TRIOBP: variants seen among roughly 807,000 people sequenced by gnomAD.
TRIOBP encodes TRIO and F-actin binding protein.
Under a neutral mutation model 238.8 loss-of-function variants are expected in TRIOBP, and 169 were observed. The ratio of observed to expected loss-of-function variants is 0.71; its 90% CI spans 0.62 to 0.80. TRIOBP has a LOEUF of 0.80. Among genes scored for constraint, TRIOBP ranks in the 30% least tolerant of loss-of-function variants. The pLI, the probability that TRIOBP is intolerant of heterozygous loss-of-function variation, is 0.00. For synonymous variants in TRIOBP, 1,150 were observed against 1,274.4 expected (o/e 0.90, Z 2.08); for missense variants, 2,838 against 3,122.6 (o/e 0.91, Z 2.17).
chr22:37,734,135 T>C lies in TRIOBP; in HGVS notation c.4063-264T>C, dbSNP rs115446793. ...AGGTTCTGGCACCTGATAGCCCAAG[T>C]TGGAATCAGTATCTTTGAGAGGGGT... On this transcript the variant is annotated intron_variant, in intron 8 of 23. Coordinates refer to ENST00000644935, the MANE Select transcript of TRIOBP (RefSeq NM_001039141.3). 8.1e-3 allele frequency among the ~76,000 whole-genome samples: 1,231 copies of C among 152,302 alleles called. 17 individuals are homozygous for C. The highest frequency in any genetic ancestry group is 0.028 in the African/African-American group (1,163 of 41,568).
At position 37,725,006 on chromosome 22, in the gene TRIOBP, C is replaced by T; in HGVS notation, c.2450C>T (p.Thr817Ile). ...IRATQQDNPR[T>I]CIQQNIPRSS... The stretch of plus-strand genomic sequence containing the variant: ...GCCACCCAACAGGACAACCCCAGAA[C>T]TTGTATTCAACAGAACATCCCCAGA... Residue 817 changes from threonine (T) to isoleucine (I), a missense_variant, in exon 7 of 24, where the codon ACT becomes ATT. This residue lies in a region of TRIOBP where 2,096 missense variants were observed against 2,137.4 expected (regional missense o/e 0.98). Coordinates refer to ENST00000644935, the MANE Select transcript of TRIOBP (RefSeq NM_001039141.3). 3.1e-6 allele frequency: 5 copies of T among 1,614,108 alleles called. No individual in the cohort carries two copies. The highest frequency in any genetic ancestry group is 3.4e-6 in the Non-Finnish European group (4 of 1,179,990).
chr22:37,740,747 C>A, intron 10 of TRIOBP, 148 bp from the exon 11 acceptor site: 1 of 1,189,948 alleles, frequency 8.4e-7, no homozygotes, highest in Non-Finnish European at 1.2e-6. Flanking sequence ...TTAACCAGCT[C>A]GTCTCGGCAG....
chr22:37,752,679 G>C (rs1186613944), intron 12 of TRIOBP, among the ~76,000 whole-genome samples: 1 of 152,208 alleles, frequency 6.6e-6, no homozygotes, highest in Non-Finnish European at 1.5e-5. Context: ...GCTGTCCCTG[G>C]TGGCTGCTCT....
At chr22:37,759,327 A>G (rs1926116370) in intron 17 of TRIOBP, 63 bp downstream of exon 17, 1 of 1,533,498 alleles carries the variant, frequency 6.5e-7, no homozygotes, top group Admixed American at 1.7e-5. Flanking sequence ...TGTTATCAGG[A>G]AACAGCTGAG....
intron 23 of TRIOBP, 29 bp downstream of exon 23, chr22:37,772,793 G>T: frequency 1.2e-6 from 2 of 1,607,054 alleles, no homozygotes; most frequent in Non-Finnish European, 1.7e-6. Context: ...GCCCTGCAGG[G>T]TGGGCAGGGG....
At chr22:37,746,525 G>A (rs927108904) in intron 11 of TRIOBP, 2 of 1,021,712 alleles carry the variant, frequency 2.0e-6, no homozygotes, top group Non-Finnish European at 2.5e-6. Flanking sequence ...CTCATTTCCC[G>A]AAGGCGAGAG....
At chr22:37,747,084 C>T (rs951970626) in intron 11 of TRIOBP, among the ~76,000 whole-genome samples, 11 of 152,188 alleles carry the variant, frequency 7.2e-5, no homozygotes, top group Admixed American at 2.0e-4. Flanking sequence ...GTTTGCCTTT[C>T]TCATGGGGGT....
Position 37,726,315 on chromosome 22 carries a change from G to A in TRIOBP, c.3759G>A (p.Arg1253=). The A allele has an allele frequency of 6.2e-7, 1 of 1,612,758 alleles. No individual in the cohort carries two copies. Among genetic ancestry groups the A allele is most frequent in the Non-Finnish European group, 8.5e-7 (1 of 1,179,904 alleles). The stretch of plus-strand genomic sequence containing the variant: ...CACCGGGCAGCTCTGGGGGCTCCCG[G>A]GGCTCAGCGCCTCCCGGGGAGACCA... The part of the protein sequence containing the change: ...SPSPGSSGGS[R]GSAPPGETRH... The change falls in exon 7 of 24, where the codon CGG becomes CGA. Residue 1253 remains arginine, a synonymous_variant. Coordinates refer to ENST00000644935, the MANE Select transcript of TRIOBP (RefSeq NM_001039141.3).
intron 6 of TRIOBP, among the ~76,000 whole-genome samples, chr22:37,722,229 C>T (rs1003861749): frequency 1.1e-4 from 16 of 152,004 alleles, no homozygotes; most frequent in African/African-American, 3.1e-4. Flanking sequence ...CTAGAGCTGT[C>T]GCACAGGAAA....
At chr22:37,753,360 C>T (rs1275887378) in intron 12 of TRIOBP, among the ~76,000 whole-genome samples, 8 of 152,102 alleles carry the variant, frequency 5.3e-5, no homozygotes, top group Non-Finnish European at 8.8e-5. Flanking sequence ...CTGTGTCTTC[C>T]GCCTCCCGGG....
At chr22:37,743,856 G>T (rs949588205) in intron 11 of TRIOBP, among the ~76,000 whole-genome samples, 1 of 80,152 alleles carries the variant, frequency 1.2e-5, no homozygotes, top group African/African-American at 5.8e-5. Flanking sequence ...CTGGGTGTGT[G>T]TGAGTGTGTG....
At chr22:37,699,301 CGCTGT>C (rs1259144600) in intron 2 of TRIOBP, among the ~76,000 whole-genome samples, 1 of 152,120 alleles carries the variant, frequency 6.6e-6, no homozygotes, top group Non-Finnish European at 1.5e-5. Context: ...TTGCCTCCCT[CGCTGT>C]GCTTCCCAAG....
chr22:37,722,659 G>A (rs375337730), intron 6 of TRIOBP, among the ~76,000 whole-genome samples: 49 of 151,224 alleles, frequency 3.2e-4, no homozygotes, highest in African/African-American at 1.1e-3. Flanking sequence ...CCTGGGAGGC[G>A]GAGGTTGCCA....
At position 37,725,201 on chromosome 22, in the gene TRIOBP, C is replaced by G; in HGVS notation, c.2645C>G (p.Ser882Cys). The G allele has an allele frequency of 1.2e-6, 2 of 1,614,052 alleles. No individual in the cohort carries two copies. Among genetic ancestry groups the G allele is most frequent in the East Asian group, 4.5e-5 (2 of 44,886 alleles). ...CTQKENLRPS[S>C]PHRSTQWNNP... Reference sequence around the variant, plus strand: ...CAAAAGGAGAATCTGAGACCATCATCTCCCCACCGCTCCACTCAATGGAAC... The same window carrying G: ...CAAAAGGAGAATCTGAGACCATCATGTCCCCACCGCTCCACTCAATGGAAC... The change falls in exon 7 of 24, where the codon TCT becomes TGT. Residue 882 changes from serine to cysteine, a missense_variant. By Grantham distance (112) the Ser-to-Cys change is moderately radical (BLOSUM62 -1). This residue lies in a region of TRIOBP where 2,096 missense variants were observed against 2,137.4 expected (regional missense o/e 0.98). Coordinates refer to ENST00000644935, the MANE Select transcript of TRIOBP (RefSeq NM_001039141.3).
At chr22:37,741,479 C>T (rs1371181937) in intron 11 of TRIOBP, among the ~76,000 whole-genome samples, 1 of 152,244 alleles carries the variant, frequency 6.6e-6, no homozygotes, top group Non-Finnish European at 1.5e-5. Flanking sequence ...CCTGGAAACA[C>T]TCAAGCCTCT....
At chr22:37,720,283 C>G (rs1321160674) in intron 6 of TRIOBP, among the ~76,000 whole-genome samples, 1 of 152,108 alleles carries the variant, frequency 6.6e-6, no homozygotes, top group Non-Finnish European at 1.5e-5. Flanking sequence ...TCCCAAAGTG[C>G]TGGGATTACA....
At chr22:37,738,335 G>GATGGTGGACAC (rs1924776382) in intron 9 of TRIOBP, among the ~76,000 whole-genome samples, 1 of 152,068 alleles carries the variant, frequency 6.6e-6, no homozygotes, top group African/African-American at 2.4e-5. Context: ...TCAGATGATA[G>GATGGTGGACAC]ATGTTGGAGA....
At chr22:37,755,387 C>G in intron 14 of TRIOBP, 163 bp from the exon 15 acceptor site, 1 of 898,072 alleles carries the variant, frequency 1.1e-6, no homozygotes, top group Non-Finnish European at 1.8e-6. Context: ...CAGCAGGGCT[C>G]TTCCCAGGCC....
intron 21 of TRIOBP, 162 bp from the exon 22 acceptor site, chr22:37,771,488 G>T: frequency 1.5e-6 from 1 of 650,462 alleles, no homozygotes; most frequent in East Asian, 2.8e-5. Flanking sequence ...GAATCGGAGA[G>T]GGCTTCCTGG....
Sources: gnomAD v4.1 joint callset for allele counts (sites outside exome capture counted in the v4.1 genomes callset) on GRCh38, gnomAD v4.1.1 for gene constraint, gnomAD v4.1.1 regional missense constraint, MANE v1.5 for transcripts, NCBI Gene and HGNC (gene_info 2026-07-23, HGNC 2026-07-21) for gene names.